The following FRMPD2 variants were observed in gnomAD, a reference collection of about 807,000 sequenced individuals.
FRMPD2 encodes FERM and PDZ domain containing 2.
Under a neutral mutation model 140.1 loss-of-function variants are expected in FRMPD2, and 96 were observed. That is an observed-to-expected ratio of 0.69 (90% CI 0.58 to 0.81). The LOEUF (loss-of-function observed/expected upper bound fraction) is 0.81, where lower values mean the gene tolerates loss of function less well. Among genes scored for constraint, FRMPD2 ranks in the 40% least tolerant of loss-of-function variants. The pLI, the probability that FRMPD2 is intolerant of heterozygous loss-of-function variation, is 0.00. For synonymous variants in FRMPD2, 449 were observed against 547.6 expected (o/e 0.82, Z 2.52); for missense variants, 1,240 against 1,447.4 (o/e 0.86, Z 2.32).
intron 20 of FRMPD2, among the ~76,000 whole-genome samples, chr10:48,181,558 C>A (rs1554792663): frequency 6.6e-6 from 1 of 152,068 alleles, no homozygotes; most frequent in African/African-American, 2.4e-5. Flanking sequence ...TGGTAATAAC[C>A]AAACTGCAGG....
intron 15 of FRMPD2, among the ~76,000 whole-genome samples, chr10:48,198,843 G>A (rs974105116): frequency 9.9e-5 from 15 of 152,214 alleles, no homozygotes; most frequent in Admixed American, 6.5e-4. Flanking sequence ...TGTGGCTATT[G>A]TTTAAGTGGG....
At chr10:48,216,932 C>T (rs1215102293) in intron 12 of FRMPD2, among the ~76,000 whole-genome samples, 2 of 152,108 alleles carry the variant, frequency 1.3e-5, no homozygotes, top group Non-Finnish European at 2.9e-5. Context: ...GGCCTGGGTA[C>T]TGAGGGCAGG....
At chr10:48,267,241 G>A (rs1482292496) in intron 1 of FRMPD2, among the ~76,000 whole-genome samples, 1 of 152,170 alleles carries the variant, frequency 6.6e-6, no homozygotes, top group Non-Finnish European at 1.5e-5. Flanking sequence ...TGATTCAGAT[G>A]TCAGAATTAT....
chr10:48,266,947 G>T (rs1330242050), intron 1 of FRMPD2, among the ~76,000 whole-genome samples: 2 of 152,218 alleles, frequency 1.3e-5, no homozygotes, highest in Non-Finnish European at 2.9e-5. Context: ...TGTCAGCAGA[G>T]GACTAGAGGG....
At chr10:48,207,532 G>T (rs1839228890) in intron 13 of FRMPD2, among the ~76,000 whole-genome samples, 1 of 152,186 alleles carries the variant, frequency 6.6e-6, no homozygotes, top group Non-Finnish European at 1.5e-5. Context: ...CAGGTTAGGG[G>T]AATAAATTTT....
At chr10:48,159,232 A>G in intron 28 of FRMPD2, 2 of 455,896 alleles carry the variant, frequency 4.4e-6, no homozygotes, top group South Asian at 3.1e-5. Flanking sequence ...TTGGATTTAC[A>G]GTATCTCTAA....
chr10:48,236,670 A>G, intron 8 of FRMPD2, 117 bp from the exon 9 acceptor site: 1 of 926,894 alleles, frequency 1.1e-6, no homozygotes, highest in Non-Finnish European at 1.7e-6. Flanking sequence ...CAGAGCCAGC[A>G]GAAAACAGGC....
At chr10:48,197,542 G>A (rs1838981065) in intron 15 of FRMPD2, among the ~76,000 whole-genome samples, 1 of 152,142 alleles carries the variant, frequency 6.6e-6, no homozygotes. Context: ...AATCACTTGG[G>A]TTCTTTTTAA....
At chr10:48,189,907 T>C (rs901588819) in intron 16 of FRMPD2, among the ~76,000 whole-genome samples, 2 of 152,146 alleles carry the variant, frequency 1.3e-5, no homozygotes, top group Admixed American at 6.5e-5. Flanking sequence ...TTTTATAACA[T>C]GATTTAATTC....
chr10:48,213,108 G>C (rs566897201), intron 12 of FRMPD2, among the ~76,000 whole-genome samples: 1 of 152,258 alleles, frequency 6.6e-6, no homozygotes, highest in African/African-American at 2.4e-5. Context: ...TGGCCTGAGT[G>C]GGGTATCTGA....
In FRMPD2 at chr10:48,200,191, AATAAAT is replaced by A. The variant is rs1334789828; in HGVS notation, c.1954+1031_1954+1036del. 8.6e-5 allele frequency among the ~76,000 whole-genome samples: 13 copies of A among 150,612 alleles called. 1 individual carries two copies. Among genetic ancestry groups the A allele is most frequent in the South Asian group, 2.1e-4 (1 of 4,792 alleles). ...AAATAAATAAATAAATAAATAAATA[AATAAAT>A]AAAACAGAGCCAAGCAACCATTTGC... On this transcript the variant is annotated intron_variant, in intron 15 of 28. Transcript: ENST00000374201.
chr10:48,229,925 C>A (rs1839811855), intron 10 of FRMPD2, among the ~76,000 whole-genome samples: 1 of 152,128 alleles, frequency 6.6e-6, no homozygotes. Flanking sequence ...TTTCTGATAA[C>A]TTCAAGATCA....
chr10:48,256,786 A>C lies in FRMPD2; in HGVS notation c.26-5095T>G, dbSNP rs578057650. Among the ~76,000 whole-genome samples, 3 of 151,338 alleles carry C rather than the reference A, an allele frequency of 2.0e-5. No homozygotes were observed. In the East Asian group the frequency reaches 5.8e-4, roughly 29 times the overall value. ...CCAGGCCACTGTCTGTCCTTGGAACACTCCTTGTTTCTCCAAACTCCTGGT... is the reference window on the plus strand; with the variant it reads ...CCAGGCCACTGTCTGTCCTTGGAACCCTCCTTGTTTCTCCAAACTCCTGGT... On this transcript the variant is annotated intron_variant, in intron 1 of 28. Transcript: ENST00000374201.
intron 18 of FRMPD2, among the ~76,000 whole-genome samples, chr10:48,185,150 CAT>C (rs1838649320): frequency 6.6e-6 from 1 of 152,106 alleles, no homozygotes; most frequent in Admixed American, 6.5e-5. Context: ...GATAATGAGA[CAT>C]AGGAAAGAAA....
At chr10:48,247,316 A>G (rs1279739650) in intron 3 of FRMPD2, among the ~76,000 whole-genome samples, 1 of 152,220 alleles carries the variant, frequency 6.6e-6, no homozygotes, top group Non-Finnish European at 1.5e-5. Context: ...GGTCAGGAGC[A>G]CTCAAATCTG....
At chr10:48,211,381 T>G (rs1442201409) in intron 13 of FRMPD2, among the ~76,000 whole-genome samples, 1 of 152,246 alleles carries the variant, frequency 6.6e-6, no homozygotes. Flanking sequence ...CTTAGGGTCT[T>G]GTGATGGCTT....
intron 13 of FRMPD2, 28 bp downstream of exon 13, chr10:48,211,926 A>C: frequency 6.2e-7 from 1 of 1,604,554 alleles, no homozygotes; most frequent in Admixed American, 1.7e-5. Flanking sequence ...GAAGACCAAC[A>C]CCTCTCTCCA....
At chr10:48,167,770 T>C (rs1344010614) in intron 27 of FRMPD2, among the ~76,000 whole-genome samples, 1 of 152,236 alleles carries the variant, frequency 6.6e-6, no homozygotes, top group Non-Finnish European at 1.5e-5. Flanking sequence ...GGTATTTTTT[T>C]TTAGATGTGA....
intron 13 of FRMPD2, among the ~76,000 whole-genome samples, chr10:48,211,612 G>C (rs1169865908): frequency 6.6e-6 from 1 of 152,038 alleles, no homozygotes; most frequent in Non-Finnish European, 1.5e-5. Flanking sequence ...GGAAAACCCT[G>C]TCTCTACTAA....
Sources: gnomAD v4.1 joint callset for allele counts (sites outside exome capture counted in the v4.1 genomes callset) on GRCh38, gnomAD v4.1.1 for gene constraint, MANE v1.5 for transcripts, NCBI Gene and HGNC (gene_info 2026-07-23, HGNC 2026-07-21) for gene names.